The following NR2C2 variants were observed in gnomAD, a reference collection of about 807,000 sequenced individuals.
NR2C2 encodes Nuclear hormone receptor TR4.
Under a neutral mutation model 62.9 loss-of-function variants are expected in NR2C2, and 6 were observed. The observed-to-expected ratio is 0.10, with a 90% CI of 0.05 to 0.19. NR2C2 has a LOEUF of 0.19. Ranked by LOEUF, NR2C2 falls within the 10% of genes least tolerant of loss-of-function variation. The pLI is 1.00. For synonymous variants in NR2C2, 272 were observed against 273.8 expected, an observed-to-expected ratio of 0.99 and a Z score of 0.07; for missense variants, 479 against 762.7, an observed-to-expected ratio of 0.63 and a Z score of 4.38.
intron 12 of NR2C2, chr3:15,038,753 A>C (rs1575043658): frequency 5.4e-6 from 1 of 184,896 alleles, no homozygotes; most frequent in East Asian, 1.3e-4. Context: ...ACAACAAAAT[A>C]GCTAATAAAA....
At chr3:14,968,723 T>G (rs1323704794) in intron 1 of NR2C2, among the ~76,000 whole-genome samples, 10 of 142,306 alleles carry the variant, frequency 7.0e-5, no homozygotes, top group Non-Finnish European at 1.4e-4. Context: ...TAGCAAAGAC[T>G]TGGACCCAAC....
chr3:14,994,611 T>A (rs1000808779), intron 1 of NR2C2, among the ~76,000 whole-genome samples: 15 of 151,604 alleles, frequency 9.9e-5, no homozygotes, highest in African/African-American at 3.6e-4. Flanking sequence ...CCCAGATAAT[T>A]TCTGTATTTT....
chr3:15,042,791 G>A (rs1475102598), intron 13 of NR2C2, 43 bp from the exon 14 acceptor site: 1 of 1,582,224 alleles, frequency 6.3e-7, no homozygotes, highest in Admixed American at 1.7e-5. Flanking sequence ...GTGGTTGAAG[G>A]GCATCAAACA....
At chr3:15,039,413 T>C (rs1215676502) in intron 13 of NR2C2, among the ~76,000 whole-genome samples, 186 bp downstream of exon 13, 1 of 152,228 alleles carries the variant, frequency 6.6e-6, no homozygotes, top group Non-Finnish European at 1.5e-5. Context: ...GAGATAATTC[T>C]TGAATGCTAG....
chr3:14,947,941 G>C (rs1182541166), intron 1 of NR2C2, 35 bp downstream of exon 1: 1 of 151,492 alleles, frequency 6.6e-6, no homozygotes, highest in Admixed American at 6.6e-5. Context: ...GGCTCGGGCC[G>C]GCGGCGGAGG....
At chr3:14,969,827 C>A (rs900103276) in intron 1 of NR2C2, among the ~76,000 whole-genome samples, 1 of 152,080 alleles carries the variant, frequency 6.6e-6, no homozygotes, top group Admixed American at 6.5e-5. Flanking sequence ...GGATTTACAT[C>A]ATTATTGCAG....
intron 1 of NR2C2, among the ~76,000 whole-genome samples, chr3:14,963,460 C>CATTTTTT (rs370244224): frequency 2.0e-5 from 3 of 152,068 alleles, no homozygotes; most frequent in East Asian, 3.9e-4. Context: ...TTGAGATTCG[C>CATTTTTT]ATTTTTTATT....
intron 1 of NR2C2, among the ~76,000 whole-genome samples, chr3:14,984,412 C>T (rs2040458519): frequency 6.6e-6 from 1 of 152,006 alleles, no homozygotes; most frequent in Admixed American, 6.5e-5. Context: ...ATATCTCAGC[C>T]TTTCTTCTTT....
intron 1 of NR2C2, among the ~76,000 whole-genome samples, chr3:15,001,557 ACTC>A (rs1265764963): frequency 6.6e-6 from 1 of 151,300 alleles, no homozygotes; most frequent in East Asian, 1.9e-4. Flanking sequence ...CTGGTCCTGA[ACTC>A]CTGACCTCAG....
intron 4 of NR2C2, among the ~76,000 whole-genome samples, chr3:15,018,281 G>A (rs1425963294): frequency 1.3e-5 from 2 of 152,166 alleles, no homozygotes; most frequent in East Asian, 3.9e-4. Context: ...ACAGGCATGA[G>A]CCACCTTGCC....
chr3:14,985,039 T>C (rs375112765), intron 1 of NR2C2, among the ~76,000 whole-genome samples: 1 of 152,152 alleles, frequency 6.6e-6, no homozygotes, highest in South Asian at 2.1e-4. Context: ...ACTAATAATG[T>C]TGAACATCTT....
Position 14,996,672 on chromosome 3 carries a change from A to G in NR2C2, c.-39-7204A>G, listed in dbSNP as rs564817834. On this transcript the variant is annotated intron_variant, in intron 1 of 13. Transcript: ENST00000425241. The stretch of plus-strand genomic sequence containing the variant: ...TGCAAGCTCTGCCTCCCAGGTTCAC[A>G]CCATTCTCCTGCCTCAGCCTCCCGA... 2.0e-4 allele frequency among the ~76,000 whole-genome samples: 30 copies of G among 152,242 alleles called. 1 individual carries two copies. The East Asian group carries it at 5.0e-3, about 26-fold the overall frequency.
At chr3:14,982,560 GT>G (rs1415598327) in intron 1 of NR2C2, among the ~76,000 whole-genome samples, 7 of 151,836 alleles carry the variant, frequency 4.6e-5, no homozygotes, top group African/African-American at 1.7e-4. Flanking sequence ...ATTTCCCAAT[GT>G]TTTATGTTCT....
At chr3:15,037,624 C>CA (rs1435168013) in intron 11 of NR2C2, among the ~76,000 whole-genome samples, 1 of 152,142 alleles carries the variant, frequency 6.6e-6, no homozygotes, top group Non-Finnish European at 1.5e-5. Flanking sequence ...ATTTAATGTT[C>CA]AGGTGCCTGC....
chr3:15,028,395 T>C (rs1218320621), intron 7 of NR2C2, among the ~76,000 whole-genome samples, 191 bp from the exon 8 acceptor site: 1 of 152,216 alleles, frequency 6.6e-6, no homozygotes, highest in Non-Finnish European at 1.5e-5. Flanking sequence ...CATATCTAGA[T>C]TTGTGTAAAT....
intron 1 of NR2C2, among the ~76,000 whole-genome samples, chr3:14,971,725 T>C (rs1031499918): frequency 6.6e-5 from 10 of 151,710 alleles, no homozygotes; most frequent in African/African-American, 2.4e-4. Flanking sequence ...GACTTGCACT[T>C]CCCTAATGAT....
chr3:14,991,743 TTTTTTCTTTTTTTTTTTTC>T (rs1382436535), intron 1 of NR2C2, among the ~76,000 whole-genome samples: 82 of 150,636 alleles, frequency 5.4e-4, no homozygotes, highest in African/African-American at 1.8e-3. Context: ...TTTTAATCCC[TTTTTTCTTTTTTTTTTTTC>T]TTTTTCTTTT....
intron 5 of NR2C2, among the ~76,000 whole-genome samples, chr3:15,022,786 C>T (rs2041712680): frequency 6.6e-6 from 1 of 152,094 alleles, no homozygotes; most frequent in African/African-American, 2.4e-5. Context: ...AGCACTTTGG[C>T]AGGCTGGGGC....
rs114545710 is a variant in NR2C2 at position 14,987,274 on chromosome 3, G to A, written c.-39-16602G>A. Among the ~76,000 whole-genome samples the A allele has an allele frequency of 6.5e-3, 982 of 152,088 alleles. 13 individuals carry two copies. Among genetic ancestry groups the A allele is most frequent in the African/African-American group, 0.022 (909 of 41,480 alleles). On this transcript the variant is annotated intron_variant, in intron 1 of 13. Transcript: ENST00000425241. Reference sequence around the variant, plus strand: ...GTTTTTTTATTTTTTGTAGAGATGAGGTCTCTCTGTGTTACCCAGGATGGT... The same window carrying A: ...GTTTTTTTATTTTTTGTAGAGATGAAGTCTCTCTGTGTTACCCAGGATGGT...
Sources: allele counts gnomAD v4.1 joint callset (sites outside exome capture counted in the v4.1 genomes callset), GRCh38; gene constraint gnomAD v4.1.1; transcripts MANE v1.5; gene names NCBI Gene and HGNC (gene_info 2026-07-23, HGNC 2026-07-21).